Variants in CLECL1 observed in about 807,000 individuals in gnomAD.
CLECL1 encodes C-type lectin-like domain family 1.
the CLECL1 span, among the ~76,000 whole-genome samples, chr12:9,706,515 T>G: frequency 2.0e-5 from 3 of 152,232 alleles, no homozygotes; most frequent in East Asian, 5.8e-4. Context: ...ACTCATTATT[T>G]TGATGCCTGT....
At chr12:9,732,092 CCAGAAAAGGACACA>C (rs1818538464) in intron 1 of CLECL1, among the ~76,000 whole-genome samples, 1 of 151,980 alleles carries the variant, frequency 6.6e-6, no homozygotes, top group Non-Finnish European at 1.5e-5. Context: ...GCTTTTACAA[CCAGAAAAGGACACA>C]CACTAGATTC....
Position 9,731,232 on chromosome 12 carries a change from A to G in CLECL1, n.83-1556T>C, listed in dbSNP as rs573750119. Reference sequence around the variant, plus strand: ...TTTACATCTTGGAGAACCAATGAGCATACATATATACATTCATCGTCTAAT... The same window carrying G: ...TTTACATCTTGGAGAACCAATGAGCGTACATATATACATTCATCGTCTAAT... On this transcript the variant is annotated intron_variant and non_coding_transcript_variant, in intron 1 of 3. Coordinates refer to ENST00000621400, the Ensembl canonical transcript of CLECL1. Among the ~76,000 whole-genome samples, 97 of 152,350 alleles carry G rather than the reference A, an allele frequency of 6.4e-4. 1 individual carries two copies. The highest frequency in any genetic ancestry group is 4.6e-4 in the Admixed American group (7 of 15,300).
At chr12:9,721,560 G>A (rs761759721), downstream of CLECL1, among the ~76,000 whole-genome samples, 67 of 152,314 alleles carry the variant, frequency 4.4e-4, no homozygotes, top group African/African-American at 1.5e-3. Flanking sequence ...ACTGTTTGCT[G>A]AGAGACATGT....
At chr12:9,710,187 C>T in the CLECL1 span, among the ~76,000 whole-genome samples, 2 of 152,172 alleles carry the variant, frequency 1.3e-5, no homozygotes, top group Non-Finnish European at 2.9e-5. Flanking sequence ...TAATAATACA[C>T]ATGTTTAACC....
intron 3 of CLECL1, among the ~76,000 whole-genome samples, chr12:9,723,873 A>G (rs755719158): frequency 9.2e-5 from 14 of 152,214 alleles, no homozygotes; most frequent in African/African-American, 2.9e-4. Context: ...TTTAAGTCCA[A>G]CTACACCAAT....
At position 9,724,629 on chromosome 12, in the gene CLECL1, G is replaced by A. The variant is rs758394590; in HGVS notation, n.263-1816C>T. On this transcript the variant is annotated intron_variant and non_coding_transcript_variant, in intron 3 of 3. Coordinates refer to ENST00000621400, the Ensembl canonical transcript of CLECL1. Reference sequence around the variant, plus strand: ...AGATTTAACAGGAAAACAAGTTAGCGAACTTGAAATTGTCCAATATGAAGA... The same window carrying A: ...AGATTTAACAGGAAAACAAGTTAGCAAACTTGAAATTGTCCAATATGAAGA... 1.1e-4 allele frequency among the ~76,000 whole-genome samples: 16 copies of A among 152,232 alleles called. No individual in the cohort carries two copies. In the South Asian group the frequency reaches 2.5e-3, roughly 24 times the overall value.
At chr12:9,718,734 T>G (rs1422453956), downstream of CLECL1, 6 of 701,290 alleles carry the variant, frequency 8.6e-6, no homozygotes, top group Non-Finnish European at 1.6e-5. Flanking sequence ...GTACACACAT[T>G]GAAGAAATGC....
intron 3 of CLECL1, among the ~76,000 whole-genome samples, chr12:9,725,646 A>C (rs10844615): frequency 0.3 from 45,029 of 151,948 alleles, 7,402 homozygotes; most frequent in South Asian, 0.47. Flanking sequence ...CAGGAACTTC[A>C]ATGCATAAAA....
At chr12:9,713,218 C>A (rs1484654401), downstream of CLECL1, among the ~76,000 whole-genome samples, 2 of 152,160 alleles carry the variant, frequency 1.3e-5, no homozygotes, top group African/African-American at 4.8e-5. Context: ...TGTCTGGAAT[C>A]TATGAATAAC....
chr12:9,716,891 T>C, intron 2 of CLECL1: 1 of 481,912 alleles, frequency 2.1e-6, no homozygotes, highest in South Asian at 2.0e-5. Context: ...GACTCCATCT[T>C]AGAATCACAT....
At chr12:9,708,157 C>G in the CLECL1 span, among the ~76,000 whole-genome samples, 25 of 152,166 alleles carry the variant, frequency 1.6e-4, no homozygotes, top group Admixed American at 1.6e-3. Flanking sequence ...GGAACATTCC[C>G]TCCCCTGGCC....
chr12:9,721,205 T>G (rs1173943843), downstream of CLECL1, among the ~76,000 whole-genome samples: 1 of 148,670 alleles, frequency 6.7e-6, no homozygotes, highest in Non-Finnish European at 1.5e-5. Flanking sequence ...ATACCCTAGA[T>G]GGACTAATAA....
chr12:9,726,253 GA>G (rs10715428), intron 3 of CLECL1, among the ~76,000 whole-genome samples: 80,168 of 151,410 alleles, frequency 0.53, 21,456 homozygotes, highest in Middle Eastern at 0.6. Context: ...AGAAATAAAA[GA>G]AGAAATAAAA....
chr12:9,717,492 T>C (rs1041120324), downstream of CLECL1, among the ~76,000 whole-genome samples: 39 of 152,238 alleles, frequency 2.6e-4, no homozygotes. Flanking sequence ...CACCTTATAA[T>C]TGAAAGGACC....
At chr12:9,717,608 C>T (rs1866254569), downstream of CLECL1, among the ~76,000 whole-genome samples, 1 of 152,146 alleles carries the variant, frequency 6.6e-6, no homozygotes, top group African/African-American at 2.4e-5. Context: ...TAGCTGTTTG[C>T]TGGAAAATAG....
intron 2 of CLECL1, among the ~76,000 whole-genome samples, chr12:9,729,042 C>G (rs181868561): frequency 1.3e-5 from 2 of 152,066 alleles, no homozygotes; most frequent in East Asian, 3.9e-4. Flanking sequence ...TTGTAAGGAA[C>G]TTTTCCCCAA....
At chr12:9,729,937 T>C (rs761907550) in intron 1 of CLECL1, among the ~76,000 whole-genome samples, 1 of 152,336 alleles carries the variant, frequency 6.6e-6, no homozygotes, top group African/African-American at 2.4e-5. Flanking sequence ...GATCACTGTC[T>C]GTGTCTCTGG....
At chr12:9,709,097 G>A in the CLECL1 span, 8 of 160,738 alleles carry the variant, frequency 5.0e-5, no homozygotes, top group East Asian at 1.6e-4. Flanking sequence ...GCAGACATGA[G>A]GACAGATGGT....
downstream of CLECL1, among the ~76,000 whole-genome samples, chr12:9,712,585 T>A (rs149209783): frequency 1.3e-5 from 2 of 152,320 alleles, no homozygotes; most frequent in African/African-American, 4.8e-5. Context: ...TATTGTGATA[T>A]TCAATAAAAG....
Sources: allele counts gnomAD v4.1 joint callset (sites outside exome capture counted in the v4.1 genomes callset), GRCh38; gene constraint gnomAD v4.1.1; transcripts MANE v1.5; gene names NCBI Gene and HGNC (gene_info 2026-07-23, HGNC 2026-07-21).